The following DLGAP2 variants were observed in gnomAD, a reference collection of about 807,000 sequenced individuals.
The protein encoded by DLGAP2 is DLG associated protein 2, also known as disks large-associated protein 2.
A neutral mutation model predicts 100.3 loss-of-function variants in DLGAP2; 26 were observed. The observed-to-expected ratio is 0.26, with a 90% CI of 0.19 to 0.36. The LOEUF is 0.36. Among genes scored for constraint, DLGAP2 ranks in the 10% least tolerant of loss-of-function variants. DLGAP2 has a pLI of 1.00. For missense variants in DLGAP2, 1,858 were observed against 1,453.2 expected, an observed-to-expected ratio of 1.28 and a Z score of -4.53; for synonymous variants, 886 against 630.1, an observed-to-expected ratio of 1.41 and a Z score of -6.08.
chr8:1,206,961 C>G (rs957234032), intron 2 of DLGAP2, among the ~76,000 whole-genome samples: 1 of 152,202 alleles, frequency 6.6e-6, no homozygotes, highest in African/African-American at 2.4e-5. Flanking sequence ...TGGACACCGT[C>G]TCGGTGAAAC....
chr8:1,278,633 C>A (rs754773634), intron 3 of DLGAP2, among the ~76,000 whole-genome samples: 6 of 152,120 alleles, frequency 3.9e-5, no homozygotes, highest in Non-Finnish European at 8.8e-5. Context: ...GAAAAGAGAT[C>A]CCTGTGTAGC....
intron 1 of DLGAP2, among the ~76,000 whole-genome samples, chr8:879,191 C>T (rs985927755): frequency 6.6e-6 from 1 of 152,222 alleles, no homozygotes; most frequent in Non-Finnish European, 1.5e-5. Flanking sequence ...AGTTTATTCA[C>T]TGTGATACAA....
chr8:1,033,123 C>G (rs888172677), intron 2 of DLGAP2, among the ~76,000 whole-genome samples: 8 of 152,234 alleles, frequency 5.3e-5, no homozygotes, highest in East Asian at 1.9e-4. Context: ...CTCCCTCCCC[C>G]CATCCCTCTC....
rs1487109423 is a variant in DLGAP2 at position 1,628,764 on chromosome 8, AGCAGGGATTAAGAGCCTGAGC to A, written c.1590+1899_1590+1919del. ...TCACATTCTCTCTGACTTACTGTGG[AGCAGGGATTAAGAGCCTGAGC>A]GCAGGGATTAAGAGCCTGAGCCGAC... is the stretch of plus-strand genomic sequence containing the variant. On this transcript the variant is annotated intron_variant, in intron 7 of 14. Transcript: ENST00000637795. Among the ~76,000 whole-genome samples the A allele has an allele frequency of 4.0e-4, 60 of 151,346 alleles. 1 individual carries two copies. Among genetic ancestry groups the A allele is most frequent in the Non-Finnish European group, 1.5e-4 (10 of 67,874 alleles).
At chr8:749,136 C>G (rs554294218) in intron 1 of DLGAP2, among the ~76,000 whole-genome samples, 54 of 152,140 alleles carry the variant, frequency 3.5e-4, no homozygotes, top group Non-Finnish European at 5.6e-4. Flanking sequence ...GTAGCTGGGA[C>G]TACAGGTGCA....
chr8:1,471,489 G>A (rs951323377), intron 3 of DLGAP2, among the ~76,000 whole-genome samples: 3 of 151,538 alleles, frequency 2.0e-5, no homozygotes, highest in African/African-American at 4.9e-5. Context: ...TCAGAGGCCT[G>A]TGCACCATGG....
chr8:950,654 C>G lies in DLGAP2; in HGVS notation c.73+42688C>G, dbSNP rs1157995524. 2.8e-5 allele frequency among the ~76,000 whole-genome samples: 4 copies of G among 141,976 alleles called. No homozygotes were observed. In the Admixed American group the frequency reaches 2.9e-4, roughly 10 times the overall value. 93.1% of individuals were successfully genotyped at this position (141,976 alleles called of 152,430 possible). A position where few individuals can be genotyped will look rare whatever the true frequency, so the allele number is the denominator to read the frequency against. ...TTTTTTTTTTTGAGATGGAGTCTCG[C>G]TCTGTCACCCAGGCTGGAGTGTAGT... On this transcript the variant is annotated intron_variant, in intron 2 of 14. Transcript: ENST00000637795.
chr8:1,197,170 G>A (rs563033995), intron 2 of DLGAP2, among the ~76,000 whole-genome samples: 44 of 152,230 alleles, frequency 2.9e-4, no homozygotes, highest in Non-Finnish European at 5.3e-4. Flanking sequence ...TTCTGGAAAC[G>A]CCGTCACAGA....
At chr8:1,160,754 C>T (rs1274335766) in intron 2 of DLGAP2, among the ~76,000 whole-genome samples, 4 of 152,244 alleles carry the variant, frequency 2.6e-5, no homozygotes. Context: ...AGCCTGGCTC[C>T]TTCCATGCAA....
chr8:1,447,386 A>G (rs1771830228), intron 3 of DLGAP2, among the ~76,000 whole-genome samples: 1 of 152,198 alleles, frequency 6.6e-6, no homozygotes, highest in African/African-American at 2.4e-5. Flanking sequence ...GCTGGATTAC[A>G]TTTATTGATT....
At chr8:1,563,706 G>T (rs1002717701) in intron 5 of DLGAP2, among the ~76,000 whole-genome samples, 1 of 152,074 alleles carries the variant, frequency 6.6e-6, no homozygotes, top group Non-Finnish European at 1.5e-5. Context: ...CTCCTGTCCT[G>T]GGCTGCAATG....
chr8:1,218,066 A>G (rs1359843751), intron 2 of DLGAP2, among the ~76,000 whole-genome samples: 1 of 152,084 alleles, frequency 6.6e-6, no homozygotes, highest in East Asian at 1.9e-4. Flanking sequence ...CTCTGTTGAT[A>G]GTTTCTTTTT....
At position 1,638,531 on chromosome 8, in the gene DLGAP2, G is replaced by A. The variant is rs952750099; in HGVS notation, c.1810+5485G>A. Among the ~76,000 whole-genome samples, 38 of 152,222 alleles carry A rather than the reference G, an allele frequency of 2.5e-4. No homozygotes were observed. In the East Asian group the frequency reaches 5.0e-3, roughly 20 times the overall value. Reference sequence around the variant, plus strand: ...GAGTCATGTTATAATGAAGACCCGCGGCCCGGCCGTACTGCAGAAGAGCAC... The same window carrying A: ...GAGTCATGTTATAATGAAGACCCGCAGCCCGGCCGTACTGCAGAAGAGCAC... On this transcript the variant is annotated intron_variant, in intron 8 of 14. Coordinates refer to ENST00000637795, the MANE Select transcript of DLGAP2 (RefSeq NM_001346810.2).
intron 2 of DLGAP2, among the ~76,000 whole-genome samples, chr8:1,067,602 GAC>G (rs1491423084): frequency 2.3e-5 from 3 of 130,040 alleles, no homozygotes; most frequent in East Asian, 4.8e-4. Flanking sequence ...GTGGTTGAGT[GAC>G]GTGTGTGTGT....
chr8:852,811 G>A (rs1001990520), intron 1 of DLGAP2, among the ~76,000 whole-genome samples: 2 of 152,182 alleles, frequency 1.3e-5, no homozygotes, highest in Admixed American at 6.5e-5. Flanking sequence ...GAATGACAAC[G>A]TCCTTGATGT....
At chr8:884,612 C>T (rs1037530228) in intron 1 of DLGAP2, among the ~76,000 whole-genome samples, 9 of 152,208 alleles carry the variant, frequency 5.9e-5, no homozygotes, top group Admixed American at 1.3e-4. Context: ...GTTTCTTTTG[C>T]TCTGCACAAG....
chr8:1,411,224 A>C (rs79731012), intron 3 of DLGAP2, among the ~76,000 whole-genome samples: 498 of 152,120 alleles, frequency 3.3e-3, no homozygotes, highest in Non-Finnish European at 5.4e-3. Context: ...CTGAAAATGA[A>C]TGTTTATATA....
chr8:1,180,374 T>C (rs7844194), intron 2 of DLGAP2, among the ~76,000 whole-genome samples: 17,759 of 152,214 alleles, frequency 0.12, 2,031 homozygotes, highest in African/African-American at 0.3. Context: ...CTTTGATTCA[T>C]TTATTATCAT....
chr8:1,276,750 G>A (rs1563056940), intron 3 of DLGAP2, among the ~76,000 whole-genome samples: 2 of 152,130 alleles, frequency 1.3e-5, no homozygotes, highest in African/African-American at 4.8e-5. Flanking sequence ...TAAATGTAGT[G>A]CTTATTTAAA....
Sources: gnomAD v4.1 joint callset for allele counts (sites outside exome capture counted in the v4.1 genomes callset) on GRCh38, gnomAD v4.1.1 for gene constraint, MANE v1.5 for transcripts, NCBI Gene and HGNC (gene_info 2026-07-23, HGNC 2026-07-21) for gene names.